DLG2: variants seen among roughly 807,000 people sequenced by gnomAD.
DLG2 encodes disks large homolog 2.
Under a neutral mutation model 132.5 loss-of-function variants are expected in DLG2, and 45 were observed. The observed-to-expected ratio is 0.34, with a 90% CI of 0.27 to 0.44. The LOEUF (loss-of-function observed/expected upper bound fraction) is 0.44. Ranked by LOEUF, DLG2 falls within the 20% of genes least tolerant of loss-of-function variation. The pLI is 1.00. For missense variants in DLG2, 1,045 were observed against 1,196.9 expected (o/e 0.87, Z 1.87); for synonymous variants, 424 against 419.6 (o/e 1.01, Z -0.13).
At chr11:83,993,043 T>A (rs1045757919) in intron 11 of DLG2, among the ~76,000 whole-genome samples, 6 of 152,146 alleles carry the variant, frequency 3.9e-5, no homozygotes, top group Non-Finnish European at 8.8e-5. Flanking sequence ...CTGTTCTAGG[T>A]TTTTTTCCTC....
intron 6 of DLG2, among the ~76,000 whole-genome samples, chr11:84,960,814 G>A (rs2052447244): frequency 1.3e-5 from 2 of 151,840 alleles, no homozygotes; most frequent in African/African-American, 4.8e-5. Context: ...GATGATGATG[G>A]TGATGATGAC....
chr11:85,218,868 T>C (rs780536469), intron 4 of DLG2, among the ~76,000 whole-genome samples: 14 of 152,138 alleles, frequency 9.2e-5, no homozygotes, highest in Non-Finnish European at 1.9e-4. Context: ...ATATATACCA[T>C]GGAATACTAT....
At chr11:84,709,816 G>A (rs753207911) in intron 6 of DLG2, among the ~76,000 whole-genome samples, 1 of 151,762 alleles carries the variant, frequency 6.6e-6, no homozygotes, top group Non-Finnish European at 1.5e-5. Flanking sequence ...AGAAGTGTTG[G>A]ACCATAGAGA....
intron 6 of DLG2, among the ~76,000 whole-genome samples, chr11:84,544,131 A>C (rs1227025859): frequency 6.6e-6 from 1 of 152,226 alleles, no homozygotes; most frequent in Admixed American, 6.5e-5. Context: ...AGATATTGGA[A>C]ATGTAGCCTG....
chr11:85,569,379 C>G (rs1490378365), intron 3 of DLG2, among the ~76,000 whole-genome samples: 6 of 152,148 alleles, frequency 3.9e-5, no homozygotes, highest in African/African-American at 1.4e-4. Context: ...TCCCTCTGAG[C>G]ACTGGTTTAA....
chr11:84,570,468 G>A (rs1007697731), intron 6 of DLG2, among the ~76,000 whole-genome samples: 2 of 152,130 alleles, frequency 1.3e-5, no homozygotes, highest in South Asian at 2.1e-4. Context: ...ATTGTGAGCT[G>A]CCTGAAAGAT....
At chr11:84,555,738 TACA>T (rs2099410685) in intron 6 of DLG2, among the ~76,000 whole-genome samples, 1 of 152,234 alleles carries the variant, frequency 6.6e-6, no homozygotes, top group Non-Finnish European at 1.5e-5. Flanking sequence ...GGATCTGTTG[TACA>T]ACAAAGTGAA....
chr11:84,108,957 A>G (rs1156416699), intron 9 of DLG2, among the ~76,000 whole-genome samples: 1 of 152,196 alleles, frequency 6.6e-6, no homozygotes, highest in Non-Finnish European at 1.5e-5. Flanking sequence ...GACGTGACAC[A>G]TAGCTGGACA....
chr11:84,711,330 A>G (rs10544100), intron 6 of DLG2, among the ~76,000 whole-genome samples: 63 of 48,472 alleles, frequency 1.3e-3, no homozygotes, highest in African/African-American at 2.8e-3. Flanking sequence ...CAGAACCAGT[A>G]AGAGAGAGAG....
intron 7 of DLG2, among the ~76,000 whole-genome samples, chr11:84,509,629 A>G (rs905088513): frequency 6.6e-6 from 1 of 152,184 alleles, no homozygotes; most frequent in Non-Finnish European, 1.5e-5. Flanking sequence ...CAACAAATAG[A>G]AAGACTAAAT....
chr11:85,034,907 T>C (rs941707173), intron 6 of DLG2, among the ~76,000 whole-genome samples: 2 of 152,180 alleles, frequency 1.3e-5, no homozygotes, highest in South Asian at 2.1e-4. Flanking sequence ...TCTACATCTA[T>C]TGAAGCATCT....
chr11:83,674,956 A>G (rs537398017), intron 18 of DLG2, among the ~76,000 whole-genome samples: 16 of 152,350 alleles, frequency 1.1e-4, no homozygotes, highest in African/African-American at 3.8e-4. Flanking sequence ...GTGAAAAAAG[A>G]ATGTTTTATC....
chr11:83,611,455 A>G (rs1260990233), intron 19 of DLG2, among the ~76,000 whole-genome samples: 1 of 152,144 alleles, frequency 6.6e-6, no homozygotes, highest in Non-Finnish European at 1.5e-5. Flanking sequence ...GAAAACAAAC[A>G]TCGTGTGATG....
intron 7 of DLG2, among the ~76,000 whole-genome samples, chr11:84,268,046 CAA>C (rs1174582036): frequency 6.6e-6 from 1 of 152,188 alleles, no homozygotes; most frequent in Non-Finnish European, 1.5e-5. Flanking sequence ...CTGTAATGCT[CAA>C]AGTGTTAGAT....
chr11:83,832,698 G>A (rs2054905058), intron 17 of DLG2, among the ~76,000 whole-genome samples: 1 of 152,018 alleles, frequency 6.6e-6, no homozygotes, highest in South Asian at 2.1e-4. Context: ...CTCAACCTCA[G>A]CATCACGTGA....
rs1006652482 is a variant in DLG2 at position 84,132,752 on chromosome 11, G to C, written c.624+30709C>G. Reference sequence around the variant, plus strand: ...GTACTAAGTGAGAGAACAATAACAGGGGATAGCTAATTTGAATTGGAAGGT... The same window carrying C: ...GTACTAAGTGAGAGAACAATAACAGCGGATAGCTAATTTGAATTGGAAGGT... On this transcript the variant is annotated intron_variant, in intron 9 of 27. Transcript: ENST00000376104. Among the ~76,000 whole-genome samples, 3 of 152,056 alleles carry C rather than the reference G, an allele frequency of 2.0e-5. No homozygotes were observed. The East Asian group carries it at 5.8e-4, about 29-fold the overall frequency.
chr11:85,332,720 C>T (rs2081850415), intron 3 of DLG2, among the ~76,000 whole-genome samples: 1 of 152,094 alleles, frequency 6.6e-6, no homozygotes, highest in Admixed American at 6.6e-5. Context: ...GGAGTACTTT[C>T]CCCATTGTTA....
At chr11:84,188,182 AATATAGTT>A (rs1274058730) in intron 8 of DLG2, among the ~76,000 whole-genome samples, 4 of 152,158 alleles carry the variant, frequency 2.6e-5, no homozygotes, top group African/African-American at 9.7e-5. Context: ...TAGACTTCAA[AATATAGTT>A]ATACGCTTTA....
intron 11 of DLG2, among the ~76,000 whole-genome samples, chr11:84,035,360 C>T (rs2095834767): frequency 6.6e-6 from 1 of 152,080 alleles, no homozygotes; most frequent in African/African-American, 2.4e-5. Flanking sequence ...TTCTAGTGTA[C>T]ACAAATACAT....
Sources: gnomAD v4.1 joint callset for allele counts (sites outside exome capture counted in the v4.1 genomes callset) on GRCh38, gnomAD v4.1.1 for gene constraint, MANE v1.5 for transcripts, NCBI Gene and HGNC (gene_info 2026-07-23, HGNC 2026-07-21) for gene names.